ZNF326: variants seen among roughly 807,000 people sequenced by gnomAD.
ZNF326 encodes DBIRD complex subunit ZNF326.
In ZNF326, 30 loss-of-function variants were observed where a neutral mutation model predicts 63.1. The observed-to-expected ratio is 0.48, with a 90% confidence interval of 0.36 to 0.64. The LOEUF is 0.64. Among genes scored for constraint, ZNF326 ranks in the 30% least tolerant of loss-of-function variants. The pLI is 0.00. For synonymous variants in ZNF326, 194 were observed against 228.2 expected (o/e 0.85, Z 1.35); for missense variants, 609 against 720.3 (o/e 0.85, Z 1.77).
chr1:90,026,207 C>T (rs1309812483), intron 11 of ZNF326, among the ~76,000 whole-genome samples: 1 of 152,238 alleles, frequency 6.6e-6, no homozygotes, highest in East Asian at 1.9e-4. Flanking sequence ...TTGTGATCCA[C>T]CCGCCTCAGC....
intron 5 of ZNF326, among the ~76,000 whole-genome samples, chr1:90,009,049 G>A (rs1304580412): frequency 2.6e-5 from 4 of 152,066 alleles, no homozygotes; most frequent in Admixed American, 2.6e-4. Context: ...TTGAAAATTT[G>A]GAAAACACTT....
In ZNF326 at chr1:90,033,525, C is replaced by G. The variant is rs1650360313; in HGVS notation, c.*5824C>G. On this transcript the variant is annotated 3_prime_UTR_variant, in exon 12 of 12. Coordinates refer to ENST00000340281, the MANE Select transcript of ZNF326 (RefSeq NM_182976.4). ...TTCAAATATTTTAGAGGTTATTGTA[C>G]TAATTTTAAAAATGCAAGTTGCTAT... 6.6e-6 allele frequency: 1 copy of G among 152,000 alleles called. No homozygotes were observed. The highest frequency in any genetic ancestry group is 2.4e-5 in the African/African-American group (1 of 41,394). 9.4% of individuals were successfully genotyped at this position (152,000 alleles called of 1,614,324 possible).
chr1:90,013,188 C>G lies in ZNF326; in HGVS notation c.877C>G (p.Gln293Glu). Residue 293 changes from glutamine to glutamate, a missense_variant, in exon 7 of 12, where the codon CAA becomes GAA. This residue lies in a region of ZNF326 where 399 missense variants were observed against 444.3 expected (regional missense o/e 0.90). Transcript: ENST00000340281. ...KRRIEARREK[Q>E]RRRREKNSEK... ...GCGAATTGAGGCTCGGCGAGAGAAA[C>G]AAAGGCGCAGAAGAGAAAAAAACAG... 6.2e-7 allele frequency: 1 copy of G among 1,610,022 alleles called. No individual in the cohort carries two copies. Among genetic ancestry groups the G allele is most frequent in the Non-Finnish European group, 8.5e-7 (1 of 1,177,958 alleles).
At chr1:89,995,992 G>A (rs974700786) in intron 1 of ZNF326, among the ~76,000 whole-genome samples, 1 of 152,156 alleles carries the variant, frequency 6.6e-6, no homozygotes, top group Non-Finnish European at 1.5e-5. Flanking sequence ...AGCATCAAAT[G>A]TCCTTCACAT....
Position 90,034,344 on chromosome 1 carries a change from A to C in ZNF326, c.*6643A>C, listed in dbSNP as rs149605740. The C allele has an allele frequency of 6.6e-6, 1 of 152,314 alleles. No homozygotes were observed. The highest frequency in any genetic ancestry group is 2.4e-5 in the African/African-American group (1 of 41,582). 9.4% of individuals were successfully genotyped at this position (152,314 alleles called of 1,614,324 possible). On this transcript the variant is annotated 3_prime_UTR_variant, in exon 12 of 12. Coordinates refer to ENST00000340281, the MANE Select transcript of ZNF326 (RefSeq NM_182976.4). ...ATGGTATCAAATTATGTAAAGAAAA[A>C]CTTGGTAAACAAGAAATTGTCAAAT...
chr1:90,013,694 A>C (rs1048739624), intron 7 of ZNF326, among the ~76,000 whole-genome samples: 2 of 152,228 alleles, frequency 1.3e-5, no homozygotes, highest in Non-Finnish European at 2.9e-5. Flanking sequence ...ACACAAAGCT[A>C]ATTATTATAC....
In ZNF326 at chr1:90,018,629, A is replaced by T. The variant is rs564213080; in HGVS notation, c.1075-56A>T. ...CCATAGAATGAACATAGTGCTAAGC[A>T]TTATACTTGAGTGCTCATTGAAAGC... On this transcript the variant is annotated intron_variant, in intron 8 of 11. Coordinates refer to ENST00000340281, the MANE Select transcript of ZNF326 (RefSeq NM_182976.4). The T allele has an allele frequency of 5.2e-6, 5 of 969,228 alleles. No homozygotes were observed. The East Asian group carries it at 1.3e-4, about 25-fold the overall frequency. 60.0% of individuals were successfully genotyped at this position (969,228 alleles called of 1,614,324 possible).
intron 11 of ZNF326, among the ~76,000 whole-genome samples, chr1:90,026,382 C>G (rs1263515369): frequency 6.6e-6 from 1 of 152,166 alleles, no homozygotes; most frequent in Non-Finnish European, 1.5e-5. Flanking sequence ...CCTGGCTTCA[C>G]CAATGCACTC....
At chr1:89,995,462 C>T (rs991216622) in intron 1 of ZNF326, among the ~76,000 whole-genome samples, 189 bp downstream of exon 1, 1 of 152,218 alleles carries the variant, frequency 6.6e-6, no homozygotes, top group East Asian at 1.9e-4. Context: ...TCGGCCCGCT[C>T]GGCGCCCGCT....
intron 7 of ZNF326, 83 bp downstream of exon 7, chr1:90,013,320 A>G: frequency 2.8e-6 from 3 of 1,057,118 alleles, no homozygotes; most frequent in Middle Eastern, 2.2e-4. Context: ...AATATTAAAA[A>G]GTTCTTAAGA....
intron 7 of ZNF326, 91 bp from the exon 8 acceptor site, chr1:90,017,226 T>C (rs1328454599): frequency 2.2e-6 from 2 of 897,394 alleles, no homozygotes; most frequent in Non-Finnish European, 3.2e-6. Flanking sequence ...ATCATTTATG[T>C]TGGTAAAATT....
rs1650357691 is a variant in ZNF326 at position 90,033,479 on chromosome 1, A to C, written c.*5778A>C. 6.6e-6 allele frequency: 1 copy of C among 152,176 alleles called. No homozygotes were observed. Among genetic ancestry groups the C allele is most frequent in the African/African-American group, 2.4e-5 (1 of 41,456 alleles). The allele number at this position is 152,176 out of a possible 1,614,324, so 9.4% of individuals were successfully genotyped here. On this transcript the variant is annotated 3_prime_UTR_variant, in exon 12 of 12. Transcript: ENST00000340281. ...TATAATAGTTTCATATGTAATCCTCATCATATTATATGTCATAATCTTCAA... is the reference window on the plus strand; with the variant it reads ...TATAATAGTTTCATATGTAATCCTCCTCATATTATATGTCATAATCTTCAA...
chr1:90,001,490 A>G (rs530517973), intron 2 of ZNF326, among the ~76,000 whole-genome samples: 1 of 152,194 alleles, frequency 6.6e-6, no homozygotes, highest in African/African-American at 2.4e-5. Flanking sequence ...AGAGTTGCTA[A>G]AAAGTAGTCC....
intron 10 of ZNF326, 89 bp downstream of exon 10, chr1:90,021,011 TTTTATCAA>T: frequency 7.5e-7 from 1 of 1,325,890 alleles, no homozygotes; most frequent in East Asian, 2.3e-5. Context: ...CTATCTGCAA[TTTTATCAA>T]TTTATCAATC....
intron 7 of ZNF326, among the ~76,000 whole-genome samples, chr1:90,013,697 T>G (rs573933008): frequency 6.6e-6 from 1 of 152,308 alleles, no homozygotes; most frequent in African/African-American, 2.4e-5. Context: ...CAAAGCTAAT[T>G]ATTATACCAG....
chr1:89,995,394 C>G (rs1648304288), intron 1 of ZNF326, 121 bp downstream of exon 1: 1 of 1,305,284 alleles, frequency 7.7e-7, no homozygotes, highest in South Asian at 1.6e-5. Flanking sequence ...GGAGGCCGCC[C>G]GCCCGCCCCG....
chr1:90,024,978 C>G (rs1030003198), intron 11 of ZNF326, among the ~76,000 whole-genome samples: 20 of 102,228 alleles, frequency 2.0e-4, no homozygotes, highest in Non-Finnish European at 3.0e-4. Flanking sequence ...GATTTTTTTC[C>G]TGTTTTTTTT....
chr1:90,002,821 A>G (rs1648752089), intron 2 of ZNF326, among the ~76,000 whole-genome samples: 1 of 152,226 alleles, frequency 6.6e-6, no homozygotes, highest in African/African-American at 2.4e-5. Flanking sequence ...TATGTCTTGC[A>G]CTTTGAATGG....
chr1:90,006,970 T>C (rs1461466454), intron 4 of ZNF326, among the ~76,000 whole-genome samples: 1 of 152,224 alleles, frequency 6.6e-6, no homozygotes, highest in Non-Finnish European at 1.5e-5. Context: ...TTTTTAATAT[T>C]AGGGATAGAT....
Sources: gnomAD v4.1 joint callset for allele counts (sites outside exome capture counted in the v4.1 genomes callset) on GRCh38, gnomAD v4.1.1 for gene constraint, gnomAD v4.1.1 regional missense constraint, MANE v1.5 for transcripts, NCBI Gene and HGNC (gene_info 2026-07-23, HGNC 2026-07-21) for gene names.